Variants in IQANK1 observed in about 807,000 individuals in gnomAD.
The protein encoded by IQANK1 is IQ motif and ankyrin repeat domain-containing protein 1.
In IQANK1, 30 loss-of-function variants were observed where a neutral mutation model predicts 22.6. The ratio of observed to expected loss-of-function variants is 1.33; its 90% confidence interval spans 0.99 to 1.80. The LOEUF (loss-of-function observed/expected upper bound fraction) is 1.80. IQANK1 is among the 40% of genes most tolerant of loss of function. IQANK1 has a pLI of 0.00. For synonymous variants in IQANK1, 122 were observed against 99.6 expected (o/e 1.23, Z -1.34); for missense variants, 275 against 235.2 (o/e 1.17, Z -1.11).
At chr8:143,743,385 C>T (rs1818963545) in intron 3 of IQANK1, among the ~76,000 whole-genome samples, 2 of 152,158 alleles carry the variant, frequency 1.3e-5, no homozygotes, top group African/African-American at 2.4e-5. Flanking sequence ...CAGGTGTGTG[C>T]TCCCACGTCT....
In IQANK1 at chr8:143,758,219, C is replaced by G. The variant is rs1223948249; in HGVS notation, c.176-13269C>G. 1 of 152,250 alleles carries G rather than the reference C, an allele frequency of 6.6e-6. No individual in the cohort carries two copies. Among genetic ancestry groups the G allele is most frequent in the Non-Finnish European group, 1.5e-5 (1 of 68,060 alleles). The allele number at this position is 152,250 out of a possible 1,614,324, so 9.4% of individuals were successfully genotyped here. A position where few individuals can be genotyped will look rare whatever the true frequency, so the allele number is the denominator to read the frequency against. ...GTGGCTCACGCCTAAAATCCCAGCA[C>G]TTTGGGAGGCCAAGGCAGGTGGATC... is the stretch of plus-strand genomic sequence containing the variant. On this transcript the variant is annotated intron_variant, in intron 3 of 13. Transcript: ENST00000527139. This position sits in a 1 kb window ranked among gnomAD's most constrained non-coding sequence, Gnocchi z 4.2.
intron 6 of IQANK1, 55 bp downstream of exon 6, chr8:143,772,298 A>G (rs1554629868): frequency 1.3e-5 from 5 of 398,302 alleles, no homozygotes; most frequent in African/African-American, 2.1e-5. Flanking sequence ...CAGGGCCCTC[A>G]GGGGCCTCCT....
intron 3 of IQANK1, among the ~76,000 whole-genome samples, chr8:143,764,616 A>C (rs782683896): frequency 6.6e-6 from 1 of 152,108 alleles, no homozygotes. Flanking sequence ...AAAACCAAAC[A>C]AAACAAAACT....
chr8:143,744,253 T>C (rs1818984076), intron 3 of IQANK1: 1 of 154,386 alleles, frequency 6.5e-6, no homozygotes, highest in South Asian at 2.0e-4. Context: ...TCCATTCTCT[T>C]TTTGCTGAAT....
intron 3 of IQANK1, chr8:143,745,512 T>G (rs143412904): frequency 0.015 from 2,318 of 152,388 alleles, 25 homozygotes; most frequent in Non-Finnish European, 0.022. Context: ...AACCTCCGCC[T>G]CCTGGGTTCA....
At chr8:143,756,918 C>T (rs1819303244) in intron 3 of IQANK1, among the ~76,000 whole-genome samples, 2 of 151,668 alleles carry the variant, frequency 1.3e-5, no homozygotes, top group South Asian at 4.2e-4. Context: ...GGTCAAGCTG[C>T]AGTGAGCTGT....
chr8:143,756,003 T>C (rs548314689), intron 3 of IQANK1, among the ~76,000 whole-genome samples: 1 of 152,326 alleles, frequency 6.6e-6, no homozygotes, highest in East Asian at 1.9e-4. Flanking sequence ...ATGACTGCCA[T>C]CCACAGTGCA....
At chr8:143,751,660 G>GTATATATATATATATATATATA (rs1440239363) in intron 3 of IQANK1, among the ~76,000 whole-genome samples, 45 of 43,974 alleles carry the variant, frequency 1.0e-3, no homozygotes, top group South Asian at 2.8e-3. Flanking sequence ...GTGTGTGTGT[G>GTATATATATATATATATATATA]TGTGTATATA....
chr8:143,741,249 G>T (rs11775971), intron 3 of IQANK1, among the ~76,000 whole-genome samples: 151,608 of 152,316 alleles, frequency 1, 75,453 homozygotes, highest in Middle Eastern at 1. Flanking sequence ...CTAGGCGTCT[G>T]GGGGCCTCAG....
At chr8:143,779,621 C>T (rs1198240937) in intron 7 of IQANK1, among the ~76,000 whole-genome samples, 2 of 152,306 alleles carry the variant, frequency 1.3e-5, no homozygotes, top group South Asian at 2.1e-4. Context: ...TAAGTTTACT[C>T]GTTATATTAT....
chr8:143,784,644 T>C (rs1038228973), intron 7 of IQANK1, among the ~76,000 whole-genome samples: 2 of 152,240 alleles, frequency 1.3e-5, no homozygotes, highest in Non-Finnish European at 2.9e-5. Context: ...AGGGGGCTTC[T>C]GCTAACTGTA....
chr8:143,774,769 A>G lies in IQANK1; in HGVS notation c.789+2287A>G, dbSNP rs1310730148. Among the ~76,000 whole-genome samples the G allele has an allele frequency of 9.9e-5, 15 of 152,234 alleles. No individual in the cohort carries two copies. The highest frequency in any genetic ancestry group is 3.1e-4 in the African/African-American group (13 of 41,456). On this transcript the variant is annotated intron_variant, in intron 7 of 13. Transcript: ENST00000527139. This position sits in a 1 kb window ranked among gnomAD's most constrained non-coding sequence, Gnocchi z 4.2. ...CGACTCAGATGTCCTCCAGCAGGCGAGTGGCTCCACTAGCTTGGTGCATTC... is the reference window on the plus strand; with the variant it reads ...CGACTCAGATGTCCTCCAGCAGGCGGGTGGCTCCACTAGCTTGGTGCATTC...
intron 3 of IQANK1, among the ~76,000 whole-genome samples, chr8:143,763,239 G>T (rs148956958): frequency 3.9e-5 from 6 of 152,030 alleles, no homozygotes; most frequent in African/African-American, 1.4e-4. Flanking sequence ...TGGTCTCAAA[G>T]TCCTGACCTC....
rs1554632016 is a variant in IQANK1, at chr8:143,789,987, T to C, written c.1212T>C (p.Pro404=). 8.1e-7 allele frequency: 1 copy of C among 1,231,898 alleles called. No individual in the cohort carries two copies. Among genetic ancestry groups the C allele is most frequent in the Non-Finnish European group, 1.0e-6 (1 of 988,018 alleles). 76.3% of individuals were successfully genotyped at this position (1,231,898 alleles called of 1,614,324 possible). Residue 404 remains proline, a synonymous_variant, in exon 12 of 14, where the codon CCT becomes CCC. Coordinates refer to ENST00000527139, the MANE Select transcript of IQANK1 (RefSeq NM_001381874.1). ...CCCCGACAGGGGAGGAAGAGGCGCC[T>C]GGGCTGAAGTGCCAGGTCACCGAGC... ...EQTQEGEEEA[P]GLKCQVTELH... is the part of the protein sequence containing the mutation.
At chr8:143,777,570 C>T (rs1587490826) in intron 7 of IQANK1, among the ~76,000 whole-genome samples, 1 of 145,256 alleles carries the variant, frequency 6.9e-6, no homozygotes, top group Non-Finnish European at 1.5e-5. Flanking sequence ...CCAAAATATA[C>T]CGGAAAGGCT....
chr8:143,751,983 TGAGA>T lies in IQANK1; in HGVS notation c.175+12042_175+12045del, dbSNP rs1180094537. On this transcript the variant is annotated intron_variant, in intron 3 of 13. Coordinates refer to ENST00000527139, the MANE Select transcript of IQANK1 (RefSeq NM_001381874.1). ...ATTATTCTTATTATTTTTTTATTTT[TGAGA>T]GAGAGACTTGCTCTGTTGCCCAGGC... Among the ~76,000 whole-genome samples the T allele has an allele frequency of 4.9e-4, 74 of 152,092 alleles. 1 individual carries two copies. Among genetic ancestry groups the T allele is most frequent in the Non-Finnish European group, 1.0e-4 (7 of 68,034 alleles).
chr8:143,747,491 A>C (rs1476584081), intron 3 of IQANK1, among the ~76,000 whole-genome samples: 1 of 152,152 alleles, frequency 6.6e-6, no homozygotes, highest in African/African-American at 2.4e-5. Context: ...TATTAGTTTC[A>C]GCGTTTATGG....
chr8:143,764,630 AAAAG>A (rs1819454170), intron 3 of IQANK1, among the ~76,000 whole-genome samples: 1 of 152,044 alleles, frequency 6.6e-6, no homozygotes, highest in Non-Finnish European at 1.5e-5. Flanking sequence ...CAAAACTGAA[AAAAG>A]AAATAACAAA....
chr8:143,736,220 A>G (rs1818735311), intron 2 of IQANK1, among the ~76,000 whole-genome samples: 2 of 151,000 alleles, frequency 1.3e-5, no homozygotes, highest in Admixed American at 6.6e-5. Context: ...CCTCACTGCA[A>G]CCTCCGCCTC....
Sources: gnomAD v4.1 joint callset for allele counts (sites outside exome capture counted in the v4.1 genomes callset) on GRCh38, gnomAD v4.1.1 for gene constraint, Gnocchi (gnomAD v3.1) non-coding constraint, MANE v1.5 for transcripts, NCBI Gene and HGNC (gene_info 2026-07-23, HGNC 2026-07-21) for gene names.